The following ADORA1 variants were observed in gnomAD, a reference collection of about 807,000 sequenced individuals.
ADORA1 encodes adenosine A1 receptor.
A neutral mutation model predicts 19.9 loss-of-function variants in ADORA1; 6 were observed. The observed-to-expected ratio is 0.30, with a 90% confidence interval of 0.17 to 0.59. The LOEUF is 0.59. ADORA1 is among the 20% of genes least tolerant of loss of function. The probability of loss-of-function intolerance (pLI) is 0.87; values close to 1 mark genes in which losing one functional copy is unlikely to be tolerated. For synonymous variants in ADORA1, 194 were observed against 188.4 expected, an observed-to-expected ratio of 1.03 and a Z score of -0.24; for missense variants, 302 against 439.2, an observed-to-expected ratio of 0.69 and a Z score of 2.79.
At chr1:203,132,135 C>A (rs1654361723) in intron 3 of ADORA1, among the ~76,000 whole-genome samples, 1 of 152,228 alleles carries the variant, frequency 6.6e-6, no homozygotes, top group Non-Finnish European at 1.5e-5. Context: ...ATTGTTGATT[C>A]ATCAGTAACC....
intron 3 of ADORA1, among the ~76,000 whole-genome samples, chr1:203,133,670 C>T (rs1009495747): frequency 6.6e-6 from 1 of 152,218 alleles, no homozygotes; most frequent in Non-Finnish European, 1.5e-5. Context: ...GCTCAGTCCC[C>T]GCCCAGCATC....
rs375908464 is a variant in ADORA1, at chr1:203,165,902, C to T, written c.*2C>T. On this transcript the variant is annotated 3_prime_UTR_variant, in exon 4 of 4. Coordinates refer to ENST00000337894, the MANE Select transcript of ADORA1 (RefSeq NM_000674.3). The surrounding 1 kb of genome is among the most constrained non-coding windows in gnomAD (Gnocchi z 5.9). ...CCAGAAGAGAGGCCTGATGACTAGA[C>T]CCCGCCTTCCGCTCCCACCAGCCCA... 1 of 1,545,658 alleles carries T rather than the reference C, an allele frequency of 6.5e-7. No homozygotes were observed. Among genetic ancestry groups the T allele is most frequent in the Non-Finnish European group, 8.7e-7 (1 of 1,144,896 alleles).
At position 203,132,650 on chromosome 1, in the gene ADORA1, C is replaced by T. The variant is rs562236268; in HGVS notation, c.341+3468C>T. Among the ~76,000 whole-genome samples, 78 of 152,220 alleles carry T rather than the reference C, an allele frequency of 5.1e-4. 1 individual carries two copies. Among genetic ancestry groups the T allele is most frequent in the African/African-American group, 1.8e-3 (75 of 41,524 alleles). On this transcript the variant is annotated intron_variant, in intron 3 of 3. Coordinates refer to ENST00000337894, the MANE Select transcript of ADORA1 (RefSeq NM_000674.3). Reference sequence around the variant, plus strand: ...TTGAGACCAGGAGTTCGAGATCAGCCTGGACAACATGGTGAAACCCCATCA... The same window carrying T: ...TTGAGACCAGGAGTTCGAGATCAGCTTGGACAACATGGTGAAACCCCATCA...
At chr1:203,151,430 G>A (rs946034680) in intron 3 of ADORA1, among the ~76,000 whole-genome samples, 4 of 152,184 alleles carry the variant, frequency 2.6e-5, no homozygotes, top group Admixed American at 6.5e-5. Context: ...AAATAGATAT[G>A]GAAACCATGT....
chr1:203,149,712 C>T (rs2102753419), intron 3 of ADORA1, among the ~76,000 whole-genome samples: 1 of 152,286 alleles, frequency 6.6e-6, no homozygotes, highest in South Asian at 2.1e-4. Flanking sequence ...AGCTCTGCTG[C>T]CTGCCAGGGG....
Position 203,128,507 on chromosome 1 carries a change from C to A in ADORA1, c.-58+75C>A. ...ATGGGAGACCCCTCTGTGCGTGTGT[C>A]TGTGTGTGCGCGCGCGCTGGGAGCT... On this transcript the variant is annotated intron_variant, in intron 2 of 3. Coordinates refer to ENST00000337894, the MANE Select transcript of ADORA1 (RefSeq NM_000674.3). This position sits in a 1 kb window ranked among gnomAD's most constrained non-coding sequence, Gnocchi z 5.9. The A allele has an allele frequency of 8.8e-7, 1 of 1,135,134 alleles. No homozygotes were observed. The highest frequency in any genetic ancestry group is 1.2e-6 in the Non-Finnish European group (1 of 855,678). The allele number at this position is 1,135,134 out of a possible 1,614,324, so 70.3% of individuals were successfully genotyped here. A position where few individuals can be genotyped will look rare whatever the true frequency, so the allele number is the denominator to read the frequency against.
intron 3 of ADORA1, among the ~76,000 whole-genome samples, chr1:203,138,467 A>G (rs1321826428): frequency 1.3e-5 from 2 of 152,224 alleles, no homozygotes; most frequent in South Asian, 2.1e-4. Context: ...GGCACCAGCA[A>G]AGGAGACTGA....
intron 3 of ADORA1, among the ~76,000 whole-genome samples, chr1:203,151,999 G>A (rs1282669464): frequency 5.9e-5 from 9 of 152,262 alleles, no homozygotes; most frequent in Admixed American, 3.9e-4. Context: ...TCCGTGTTCA[G>A]TGCCCCTCCC....
rs146573702 is a variant in ADORA1, at chr1:203,165,633, C to T, written c.714C>T (p.Leu238=). 1 of 1,611,982 alleles carries T rather than the reference C, an allele frequency of 6.2e-7. No individual in the cohort carries two copies. Among genetic ancestry groups the T allele is most frequent in the African/African-American group, 1.3e-5 (1 of 75,010 alleles). ...KELKIAKSLA[L]ILFLFALSWL... is the part of the protein sequence containing the mutation. ...TGAAGATCGCCAAGTCGCTGGCCCT[C>T]ATCCTCTTCCTCTTTGCCCTCAGCT... Residue 238 remains leucine, a synonymous_variant, in exon 4 of 4, where the codon CTC becomes CTT. Transcript: ENST00000337894. This position sits in a 1 kb window ranked among gnomAD's most constrained non-coding sequence, Gnocchi z 5.9.
Position 203,128,296 on chromosome 1 carries a change from C to T in ADORA1, c.-194C>T. ...TTGAAAGGCCGGGCTGGGAGCGCTGCGGCGGGAGCCGGAGGACTATGAGCT... is the reference window on the plus strand; with the variant it reads ...TTGAAAGGCCGGGCTGGGAGCGCTGTGGCGGGAGCCGGAGGACTATGAGCT... On this transcript the variant is annotated 5_prime_UTR_variant, in exon 2 of 4. Coordinates refer to ENST00000337894, the MANE Select transcript of ADORA1 (RefSeq NM_000674.3). This position sits in a 1 kb window ranked among gnomAD's most constrained non-coding sequence, Gnocchi z 5.9. 2.4e-6 allele frequency: 3 copies of T among 1,273,732 alleles called. No individual in the cohort carries two copies. Among genetic ancestry groups the T allele is most frequent in the Non-Finnish European group, 1.0e-6 (1 of 977,416 alleles). 78.9% of individuals were successfully genotyped at this position (1,273,732 alleles called of 1,614,324 possible). A position where few individuals can be genotyped will look rare whatever the true frequency, so the allele number is the denominator to read the frequency against.
At position 203,128,711 on chromosome 1, in the gene ADORA1, G is replaced by C; in HGVS notation, c.-57-74G>C. On this transcript the variant is annotated intron_variant, in intron 2 of 3. Coordinates refer to ENST00000337894, the MANE Select transcript of ADORA1 (RefSeq NM_000674.3). This position sits in a 1 kb window ranked among gnomAD's most constrained non-coding sequence, Gnocchi z 5.9. ...AGTGGGACACATCACAGGGTACCTG[G>C]AGTTCCAGGGCAGCCTGAGCTCCCT... 6.8e-7 allele frequency: 1 copy of C among 1,476,678 alleles called. No individual in the cohort carries two copies. The highest frequency in any genetic ancestry group is 1.4e-5 in the South Asian group (1 of 73,126). The allele number at this position is 1,476,678 out of a possible 1,614,324, so 91.5% of individuals were successfully genotyped here.
chr1:203,155,931 T>G (rs2102760243), intron 3 of ADORA1, among the ~76,000 whole-genome samples: 1 of 152,390 alleles, frequency 6.6e-6, no homozygotes, highest in Middle Eastern at 3.4e-3. Flanking sequence ...CTTTCTAATC[T>G]GACTGTCTCT....
chr1:203,132,358 C>T (rs1218521138), intron 3 of ADORA1, among the ~76,000 whole-genome samples: 1 of 152,158 alleles, frequency 6.6e-6, no homozygotes, highest in African/African-American at 2.4e-5. Flanking sequence ...CTGACCAAAC[C>T]TCTCTGTGGG....
At chr1:203,132,847 A>AAT (rs886295059) in intron 3 of ADORA1, among the ~76,000 whole-genome samples, 5 of 152,066 alleles carry the variant, frequency 3.3e-5, no homozygotes, top group African/African-American at 1.2e-4. Context: ...ACTCTGTCTC[A>AAT]ATATAAATAA....
chr1:203,128,753 T>C lies in ADORA1; in HGVS notation c.-57-32T>C. The stretch of plus-strand genomic sequence containing the variant: ...GAGCTCCCTGCCCCTCCCAGACGGG[T>C]CTCCCCATCCCAGGCTTCCCTGACC... On this transcript the variant is annotated intron_variant, in intron 2 of 3. Coordinates refer to ENST00000337894, the MANE Select transcript of ADORA1 (RefSeq NM_000674.3). The surrounding 1 kb of genome is among the most constrained non-coding windows in gnomAD (Gnocchi z 5.9). 4.6e-6 allele frequency: 7 copies of C among 1,513,122 alleles called. No homozygotes were observed. The South Asian group carries it at 7.8e-5, about 17-fold the overall frequency. The allele number at this position is 1,513,122 out of a possible 1,614,324, so 93.7% of individuals were successfully genotyped here. A position where few individuals can be genotyped will look rare whatever the true frequency, so the allele number is the denominator to read the frequency against.
intron 3 of ADORA1, among the ~76,000 whole-genome samples, chr1:203,146,626 CAAAA>C (rs543486969): frequency 6.3e-5 from 6 of 95,314 alleles, no homozygotes; most frequent in African/African-American, 1.3e-4. Flanking sequence ...AAGCCTGTCT[CAAAA>C]AAAAAAAAAA....
chr1:203,135,301 TTTA>T (rs1443797526), intron 3 of ADORA1, among the ~76,000 whole-genome samples: 2 of 152,238 alleles, frequency 1.3e-5, no homozygotes, highest in African/African-American at 4.8e-5. Context: ...TTTCTGATTA[TTTA>T]TTGTTATGAA....
chr1:203,165,540 C>T lies in ADORA1; in HGVS notation c.621C>T (p.Ile207=), dbSNP rs1558140609. Residue 207 remains isoleucine (I), a synonymous_variant, in exon 4 of 4, where the codon ATC becomes ATT. Transcript: ENST00000337894. This position sits in a 1 kb window ranked among gnomAD's most constrained non-coding sequence, Gnocchi z 5.9. ...VLIYLEVFYL[I]RKQLNKKVSA... ...TCTACCTGGAGGTCTTCTACCTAAT[C>T]CGCAAGCAGCTCAACAAGAAGGTGT... is the stretch of plus-strand genomic sequence containing the variant. 1 of 1,613,924 alleles carries T rather than the reference C, an allele frequency of 6.2e-7. No homozygotes were observed. The highest frequency in any genetic ancestry group is 1.3e-5 in the African/African-American group (1 of 75,044).
Position 203,165,753 on chromosome 1 carries a change from C to T in ADORA1, c.834C>T (p.His278=), listed in dbSNP as rs748812754. 2.0e-5 allele frequency: 32 copies of T among 1,613,748 alleles called. No homozygotes were observed. Among genetic ancestry groups the T allele is most frequent in the Admixed American group, 6.7e-5 (4 of 59,988 alleles). ...CCTACATTGCCATCTTCCTCACGCA[C>T]GGCAACTCGGCCATGAACCCCATTG... ...ILTYIAIFLT[H]GNSAMNPIVY... The change falls in exon 4 of 4, where the codon CAC becomes CAT. Residue 278 remains histidine (H), a synonymous_variant. Coordinates refer to ENST00000337894, the MANE Select transcript of ADORA1 (RefSeq NM_000674.3). This position sits in a 1 kb window ranked among gnomAD's most constrained non-coding sequence, Gnocchi z 5.9.
Sources: gnomAD v4.1 joint callset for allele counts (sites outside exome capture counted in the v4.1 genomes callset) on GRCh38, gnomAD v4.1.1 for gene constraint, Gnocchi (gnomAD v3.1) non-coding constraint, MANE v1.5 for transcripts, NCBI Gene and HGNC (gene_info 2026-07-23, HGNC 2026-07-21) for gene names.